The following SHANK2 variants were observed in gnomAD, a reference collection of about 807,000 sequenced individuals.
The protein encoded by SHANK2 is SH3 and multiple ankyrin repeat domains protein 2.
Under a neutral mutation model 133.7 loss-of-function variants are expected in SHANK2, and 43 were observed. That is an observed-to-expected ratio of 0.32 (90% confidence interval 0.25 to 0.41). The LOEUF (loss-of-function observed/expected upper bound fraction) is 0.41, where lower values mean the gene tolerates loss of function less well. Ranked by LOEUF, SHANK2 falls within the 10% of genes least tolerant of loss-of-function variation. The pLI, the probability that SHANK2 is intolerant of heterozygous loss-of-function variation, is 1.00. For missense variants in SHANK2, 1,994 were observed against 2,235.8 expected (o/e 0.89, Z 2.18); for synonymous variants, 1,017 against 952.8 (o/e 1.07, Z -1.24).
intron 17 of SHANK2, among the ~76,000 whole-genome samples, chr11:70,644,056 G>A (rs117136585): frequency 0.021 from 3,164 of 152,258 alleles, 46 homozygotes; most frequent in Non-Finnish European, 0.032. Flanking sequence ...TCAGAGCTAA[G>A]GAAACATGCT....
chr11:70,899,425 T>A (rs1949992414), intron 10 of SHANK2, among the ~76,000 whole-genome samples: 1 of 152,238 alleles, frequency 6.6e-6, no homozygotes, highest in Non-Finnish European at 1.5e-5. Context: ...ATTAAACCTC[T>A]TTTCTTTATA....
At chr11:70,663,960 C>G (rs534509985) in intron 15 of SHANK2, among the ~76,000 whole-genome samples, 51 of 152,316 alleles carry the variant, frequency 3.3e-4, no homozygotes, top group African/African-American at 1.2e-3. Flanking sequence ...CTTGGGATCA[C>G]CATGGGGTCA....
chr11:70,670,313 T>C (rs1270564818), intron 15 of SHANK2, among the ~76,000 whole-genome samples: 1 of 152,220 alleles, frequency 6.6e-6, no homozygotes, highest in Non-Finnish European at 1.5e-5. Flanking sequence ...TGGCAGTGGA[T>C]GTCCTAGAAA....
In SHANK2 at chr11:70,698,855, C is replaced by T. The variant is rs140826632; in HGVS notation, c.1778-92G>A. ...ACATGAGGCTGGTGGGCCCTCTCAC[C>T]TACTCCCCAAAATGTGAGATGCACT... On this transcript the variant is annotated intron_variant, in intron 14 of 25. Coordinates refer to ENST00000601538, the MANE Select transcript of SHANK2 (RefSeq NM_012309.5). 1.5e-5 allele frequency: 11 copies of T among 714,040 alleles called. No individual in the cohort carries two copies. The East Asian group carries it at 3.0e-4, about 19-fold the overall frequency. 44.2% of individuals were successfully genotyped at this position (714,040 alleles called of 1,614,324 possible).
intron 2 of SHANK2, among the ~76,000 whole-genome samples, chr11:71,163,120 G>C (rs1953061128): frequency 9.8e-6 from 1 of 102,006 alleles, no homozygotes; most frequent in African/African-American, 4.1e-5. Context: ...ATACAGAATA[G>C]AAACAAATAT....
intron 2 of SHANK2, among the ~76,000 whole-genome samples, chr11:71,163,563 G>A (rs1555110255): frequency 1.3e-5 from 2 of 152,168 alleles, no homozygotes; most frequent in East Asian, 1.9e-4. Flanking sequence ...TGTGATAGGA[G>A]GGCATTGTGA....
intron 10 of SHANK2, among the ~76,000 whole-genome samples, chr11:70,940,145 A>T (rs1318943188): frequency 1.1e-5 from 1 of 90,714 alleles, no homozygotes; most frequent in African/African-American, 3.7e-5. Context: ...CTCAACTGGA[A>T]GAGAATCAAT....
chr11:71,207,969 A>G (rs2135670849), intron 2 of SHANK2, among the ~76,000 whole-genome samples: 1 of 152,234 alleles, frequency 6.6e-6, no homozygotes, highest in South Asian at 2.1e-4. Context: ...CACTGCAAAA[A>G]AAAAAGAAAG....
intron 20 of SHANK2, among the ~76,000 whole-genome samples, chr11:70,501,525 CTCTGTGTGTT>C (rs2059052549): frequency 6.6e-6 from 1 of 152,226 alleles, no homozygotes; most frequent in African/African-American, 2.4e-5. Context: ...TACATGCCAT[CTCTGTGTGTT>C]TCAGAGCCAC....
chr11:70,612,103 G>A (rs2060666716), intron 17 of SHANK2, among the ~76,000 whole-genome samples: 1 of 152,160 alleles, frequency 6.6e-6, no homozygotes, highest in African/African-American at 2.4e-5. Context: ...ATGGGGTGGT[G>A]GGGAAGTTGC....
intron 17 of SHANK2, among the ~76,000 whole-genome samples, chr11:70,613,188 C>CT (rs1163832910): frequency 1.3e-5 from 2 of 152,022 alleles, no homozygotes; most frequent in South Asian, 2.1e-4. Flanking sequence ...AGATTTGGGA[C>CT]TTTTTTTCAT....
intron 2 of SHANK2, among the ~76,000 whole-genome samples, chr11:71,197,282 C>T (rs1477032810): frequency 1.3e-5 from 2 of 151,236 alleles, no homozygotes; most frequent in African/African-American, 2.5e-5. Context: ...CTGGGCCCTC[C>T]CGGGTGGGGT....
chr11:70,760,460 G>C lies in SHANK2; in HGVS notation c.1777+37983C>G, dbSNP rs1306514074. Among the ~76,000 whole-genome samples the C allele has an allele frequency of 2.6e-5, 4 of 152,174 alleles. No individual in the cohort carries two copies. The East Asian group carries it at 7.7e-4, about 29-fold the overall frequency. On this transcript the variant is annotated intron_variant, in intron 14 of 25. Transcript: ENST00000601538. ...CTCTCTTCTAAGGTCACCTGCCATT[G>C]GATTTGGAGGCCATCGTAATCTAAG... is the stretch of plus-strand genomic sequence containing the variant.
intron 2 of SHANK2, among the ~76,000 whole-genome samples, chr11:71,165,543 C>G (rs1485593342): frequency 1.3e-5 from 2 of 152,070 alleles, no homozygotes; most frequent in East Asian, 3.9e-4. Flanking sequence ...GAATGAAGCC[C>G]GAACACCAAG....
intron 2 of SHANK2, among the ~76,000 whole-genome samples, chr11:71,150,014 G>A (rs190245033): frequency 1.1e-4 from 2 of 17,896 alleles, no homozygotes; most frequent in East Asian, 1.4e-3. Flanking sequence ...GGGAGAGGAA[G>A]GGAGGGAGGG....
intron 15 of SHANK2, among the ~76,000 whole-genome samples, chr11:70,692,882 A>T (rs1945319002): frequency 6.6e-6 from 1 of 152,236 alleles, no homozygotes; most frequent in South Asian, 2.1e-4. Context: ...GTTTTCTCTA[A>T]GGGAGAACAA....
chr11:71,110,337 T>A (rs1001552697), intron 5 of SHANK2, among the ~76,000 whole-genome samples: 1 of 151,646 alleles, frequency 6.6e-6, no homozygotes, highest in Non-Finnish European at 1.5e-5. Flanking sequence ...ACTCGGGAGG[T>A]TGAGGCAGGA....
At chr11:70,478,536 C>T (rs1555150704) in intron 25 of SHANK2, among the ~76,000 whole-genome samples, 1 of 152,236 alleles carries the variant, frequency 6.6e-6, no homozygotes, top group Non-Finnish European at 1.5e-5. Context: ...TCCATCTTTA[C>T]AGCCTCCTGA....
chr11:70,616,622 C>A (rs1332405491), intron 17 of SHANK2, among the ~76,000 whole-genome samples: 1 of 152,166 alleles, frequency 6.6e-6, no homozygotes, highest in Non-Finnish European at 1.5e-5. Flanking sequence ...GGGTCCTGAG[C>A]AAGTTCTCCT....
Sources: gnomAD v4.1 joint callset for allele counts (sites outside exome capture counted in the v4.1 genomes callset) on GRCh38, gnomAD v4.1.1 for gene constraint, MANE v1.5 for transcripts, NCBI Gene and HGNC (gene_info 2026-07-23, HGNC 2026-07-21) for gene names.